The following DAB1 variants were observed in gnomAD, a reference collection of about 807,000 sequenced individuals.
DAB1 encodes DAB adaptor protein 1.
Under a neutral mutation model 64.6 loss-of-function variants are expected in DAB1, and 15 were observed. That is an observed-to-expected ratio of 0.23 (90% CI 0.16 to 0.36). The LOEUF is 0.36. DAB1 is among the 10% of genes least tolerant of loss of function. The pLI is 1.00. For missense variants in DAB1, 596 were observed against 706.7 expected (o/e 0.84, Z 1.78); for synonymous variants, 235 against 251.9 (o/e 0.93, Z 0.64).
intron 6 of DAB1, among the ~76,000 whole-genome samples, chr1:57,785,254 G>A (rs895626974): frequency 5.9e-5 from 9 of 152,118 alleles, no homozygotes; most frequent in African/African-American, 2.2e-4. Flanking sequence ...CAAGAACTCT[G>A]ATGGATATGT....
At chr1:58,470,596 T>C (rs1387543579) in intron 3 of DAB1, among the ~76,000 whole-genome samples, 1 of 152,154 alleles carries the variant, frequency 6.6e-6, no homozygotes, top group Non-Finnish European at 1.5e-5. Flanking sequence ...TGAAGCACTG[T>C]CTCATCACCA....
chr1:57,280,866 T>C (rs627550), intron 2 of DAB1, among the ~76,000 whole-genome samples: 74,108 of 152,050 alleles, frequency 0.49, 18,263 homozygotes, highest in Admixed American at 0.62. Flanking sequence ...CATTATATAA[T>C]AATTAATTCA....
intron 7 of DAB1, among the ~76,000 whole-genome samples, chr1:57,440,735 A>G (rs1279988203): frequency 3.3e-5 from 5 of 152,248 alleles, no homozygotes; most frequent in Admixed American, 2.6e-4. Context: ...GAATATCCAC[A>G]GGGTAATCAG....
chr1:57,789,983 C>T (rs368525819), intron 6 of DAB1, among the ~76,000 whole-genome samples: 22 of 152,234 alleles, frequency 1.4e-4, no homozygotes, highest in African/African-American at 4.8e-4. Context: ...ACACCTTCCC[C>T]GGTCAGCATT....
At chr1:57,404,155 C>T (rs929062903) in intron 1 of DAB1, among the ~76,000 whole-genome samples, 2 of 151,938 alleles carry the variant, frequency 1.3e-5, no homozygotes, top group Non-Finnish European at 2.9e-5. Context: ...TATTATGATA[C>T]AGGCATGTAA....
chr1:58,532,448 C>G (rs1646448087), intron 1 of DAB1, among the ~76,000 whole-genome samples: 1 of 152,172 alleles, frequency 6.6e-6, no homozygotes, highest in Non-Finnish European at 1.5e-5. Context: ...GAAGCCATTA[C>G]TTGAAAGATA....
At chr1:57,298,350 C>T (rs1395953380) in intron 1 of DAB1, among the ~76,000 whole-genome samples, 1 of 152,188 alleles carries the variant, frequency 6.6e-6, no homozygotes, top group East Asian at 1.9e-4. Flanking sequence ...GACGCTGTAT[C>T]TTTCTGCTAA....
intron 3 of DAB1, among the ~76,000 whole-genome samples, chr1:58,470,385 G>C (rs1275531633): frequency 2.0e-5 from 3 of 151,940 alleles, no homozygotes; most frequent in Non-Finnish European, 4.4e-5. Context: ...TGTTTCCCAG[G>C]CTGGTCTTGA....
At chr1:57,119,659 A>G (rs1448594282) in intron 4 of DAB1, among the ~76,000 whole-genome samples, 1 of 152,170 alleles carries the variant, frequency 6.6e-6, no homozygotes, top group East Asian at 1.9e-4. Context: ...ATATATAAAC[A>G]AATTAATGGA....
At chr1:57,801,753 G>A (rs1651135624) in intron 6 of DAB1, among the ~76,000 whole-genome samples, 1 of 152,054 alleles carries the variant, frequency 6.6e-6, no homozygotes, top group African/African-American at 2.4e-5. Context: ...GACTTCCTGG[G>A]TTCAGGCGAT....
chr1:58,154,574 T>A (rs187977382), intron 4 of DAB1, among the ~76,000 whole-genome samples: 224 of 152,190 alleles, frequency 1.5e-3, no homozygotes, highest in African/African-American at 4.9e-3. Context: ...GAGATATATA[T>A]ATACAGGGCT....
At chr1:57,936,384 G>T (rs2102044477) in intron 5 of DAB1, among the ~76,000 whole-genome samples, 1 of 152,202 alleles carries the variant, frequency 6.6e-6, no homozygotes, top group South Asian at 2.1e-4. Flanking sequence ...TCATTGGATT[G>T]TAATCCATAT....
At chr1:57,797,806 C>A (rs1477372715) in intron 6 of DAB1, among the ~76,000 whole-genome samples, 1 of 152,042 alleles carries the variant, frequency 6.6e-6, no homozygotes, top group Admixed American at 6.5e-5. Context: ...ATAAGCCATA[C>A]CTATAATATT....
chr1:57,514,024 T>A (rs1373145305), intron 7 of DAB1, among the ~76,000 whole-genome samples: 1 of 152,242 alleles, frequency 6.6e-6, no homozygotes. Context: ...ATGACAGAAT[T>A]TCCTTCTTTT....
At position 57,055,426 on chromosome 1, in the gene DAB1, C is replaced by T. The variant is rs145981324; in HGVS notation, c.723+7458G>A. 5.8e-3 allele frequency among the ~76,000 whole-genome samples: 879 copies of T among 152,238 alleles called. 11 individuals are homozygous for T. The highest frequency in any genetic ancestry group is 0.02 in the African/African-American group (824 of 41,528). ...TCCAAGAAAGGGATGATAACCACAG[C>T]TGAGCATCCTGAATCAATAGGTCAA... On this transcript the variant is annotated intron_variant, in intron 9 of 14. Transcript: ENST00000371236.
intron 2 of DAB1, among the ~76,000 whole-genome samples, chr1:57,181,517 T>C (rs1391004209): frequency 1.3e-5 from 2 of 152,206 alleles, no homozygotes; most frequent in Non-Finnish European, 2.9e-5. Flanking sequence ...ATGGATTACA[T>C]GTTTCCTTAT....
At chr1:57,510,787 T>C (rs2101347775) in intron 7 of DAB1, among the ~76,000 whole-genome samples, 1 of 152,272 alleles carries the variant, frequency 6.6e-6, no homozygotes, top group East Asian at 1.9e-4. Flanking sequence ...GTGTTTGATT[T>C]CATTTTTTAG....
chr1:57,650,470 A>C (rs1336606304), intron 6 of DAB1, among the ~76,000 whole-genome samples: 1 of 151,872 alleles, frequency 6.6e-6, no homozygotes, highest in Admixed American at 6.6e-5. Context: ...GGAATAAAAA[A>C]AATTGGTATT....
chr1:58,348,766 C>T (rs79836855), intron 3 of DAB1, among the ~76,000 whole-genome samples: 1 of 152,150 alleles, frequency 6.6e-6, no homozygotes, highest in African/African-American at 2.4e-5. Context: ...TTTTTTGGCA[C>T]ATGAAATGCT....
Sources: gnomAD v4.1 joint callset for allele counts (sites outside exome capture counted in the v4.1 genomes callset) on GRCh38, gnomAD v4.1.1 for gene constraint, MANE v1.5 for transcripts, NCBI Gene and HGNC (gene_info 2026-07-23, HGNC 2026-07-21) for gene names.